The following RSPRY1 variants were observed in gnomAD, a reference collection of about 807,000 sequenced individuals.
RSPRY1 encodes RING finger and SPRY domain-containing protein 1.
RSPRY1 carries 23 observed loss-of-function variants against 73.1 expected under a neutral mutation model. The ratio of observed to expected loss-of-function variants is 0.31; its 90% confidence interval spans 0.23 to 0.45. RSPRY1 has a LOEUF of 0.45. RSPRY1 is among the 20% of genes least tolerant of loss of function. The pLI is 1.00. For missense variants in RSPRY1, 448 were observed against 698.7 expected, an observed-to-expected ratio of 0.64 and a Z score of 4.05; for synonymous variants, 226 against 251.4, an observed-to-expected ratio of 0.90 and a Z score of 0.95.
chr16:57,207,216 A>G (rs1448907161), intron 2 of RSPRY1, among the ~76,000 whole-genome samples: 1 of 152,232 alleles, frequency 6.6e-6, no homozygotes, highest in Admixed American at 6.5e-5. Context: ...AGTCAATTAT[A>G]TTGTTTAAAC....
chr16:57,221,551 G>A (rs1402971445), intron 10 of RSPRY1, 136 bp downstream of exon 10: 3 of 864,488 alleles, frequency 3.5e-6, no homozygotes, highest in Admixed American at 5.7e-5. Flanking sequence ...CATGGTACCA[G>A]GTCCCTAACA....
chr16:57,201,004 G>C (rs1294334559), intron 1 of RSPRY1, among the ~76,000 whole-genome samples: 1 of 148,222 alleles, frequency 6.7e-6, no homozygotes, highest in Non-Finnish European at 1.5e-5. Context: ...CTGGCCGGGC[G>C]GGGGGCTGAC....
At position 57,227,432 on chromosome 16, in the gene RSPRY1, A is replaced by G. The variant is rs58714624; in HGVS notation, c.1252A>G (p.Ile418Val). The change falls in exon 11 of 15, where the codon ATA (isoleucine) becomes GTA (valine). Residue 418 changes from isoleucine (I) to valine (V), a missense_variant. Physicochemically the swap from Ile to Val is conservative, Grantham distance 29. Coordinates refer to ENST00000394420, the MANE Select transcript of RSPRY1 (RefSeq NM_133368.3). ...IWYNARSKPH[I>V]HPCWKEGDTV... ...GTACAATGCCAGAAGTAAGCCTCACATACACCCATGCTGGAAAGAAGGTAT... is the reference window on the plus strand; with the variant it reads ...GTACAATGCCAGAAGTAAGCCTCACGTACACCCATGCTGGAAAGAAGGTAT... The G allele has an allele frequency of 1.3e-3, 2,142 of 1,613,648 alleles. 22 individuals carry two copies. In the African/African-American group the frequency reaches 0.026, roughly 19 times the overall value.
intron 1 of RSPRY1, among the ~76,000 whole-genome samples, chr16:57,190,176 TG>T (rs1487351376): frequency 5.3e-4 from 80 of 152,122 alleles, no homozygotes; most frequent in African/African-American, 1.8e-3. Context: ...AAGACCAGCC[TG>T]GGCAACATGG....
chr16:57,210,841 AC>A (rs375914200), intron 4 of RSPRY1, among the ~76,000 whole-genome samples: 1 of 151,522 alleles, frequency 6.6e-6, no homozygotes, highest in African/African-American at 2.4e-5. Flanking sequence ...ACATGGTGAA[AC>A]CCTGTTTCTA....
rs185786214 is a variant in RSPRY1 at position 57,215,355 on chromosome 16, A to G, written c.703-752A>G. Among the ~76,000 whole-genome samples the G allele has an allele frequency of 3.1e-4, 47 of 152,338 alleles. No homozygotes were observed. The East Asian group carries it at 8.3e-3, about 27-fold the overall frequency. On this transcript the variant is annotated intron_variant, in intron 6 of 14. Coordinates refer to ENST00000394420, the MANE Select transcript of RSPRY1 (RefSeq NM_133368.3). ...TATGAGAAGAAATAGAATGCTGAAT[A>G]GGCTTTCCAGCAGCAGGGATGGTGG...
chr16:57,233,590 G>T (rs1434980869), intron 13 of RSPRY1, among the ~76,000 whole-genome samples: 1 of 152,044 alleles, frequency 6.6e-6, no homozygotes, highest in African/African-American at 2.4e-5. Context: ...GGCTGGTCTC[G>T]AACTCTTGGG....
At chr16:57,190,790 C>T (rs1376909365) in intron 1 of RSPRY1, among the ~76,000 whole-genome samples, 1 of 152,134 alleles carries the variant, frequency 6.6e-6, no homozygotes, top group African/African-American at 2.4e-5. Context: ...GTAGAGAAAA[C>T]ATACAAATGT....
chr16:57,198,159 G>A (rs2074486844), intron 1 of RSPRY1, among the ~76,000 whole-genome samples: 2 of 152,118 alleles, frequency 1.3e-5, no homozygotes, highest in South Asian at 4.1e-4. Flanking sequence ...GCCGAGGCAG[G>A]CGGATCACGA....
chr16:57,237,592 C>T (rs569323608), intron 14 of RSPRY1, among the ~76,000 whole-genome samples: 1 of 152,030 alleles, frequency 6.6e-6, no homozygotes, highest in Non-Finnish European at 1.5e-5. Flanking sequence ...AATGAATGGA[C>T]TAAAACAATA....
Position 57,208,063 on chromosome 16 carries a change from A to G in RSPRY1, c.356A>G (p.Gln119Arg). The G allele has an allele frequency of 6.3e-7, 1 of 1,586,654 alleles. No individual in the cohort carries two copies. The highest frequency in any genetic ancestry group is 1.4e-5 in the African/African-American group (1 of 73,864). The change falls in exon 3 of 15, where the codon CAG becomes CGG. Residue 119 changes from glutamine (Q) to arginine (R), a missense_variant. Transcript: ENST00000394420. ...CCTTGAATTTTTTTTTCCAGTGATC[A>G]GGAACCTCCCTATTCAATGATAACA... ...AVIRTLVDNDQEPPYSMITLH... is the reference protein window; with the variant it reads ...AVIRTLVDNDREPPYSMITLH...
rs1370674427 is a variant in RSPRY1 at position 57,200,952 on chromosome 16, G to T, written c.-155-3552G>T. Among the ~76,000 whole-genome samples the T allele has an allele frequency of 1.9e-4, 23 of 122,464 alleles. No individual in the cohort carries two copies. The East Asian group carries it at 3.0e-3, about 16-fold the overall frequency. The allele number at this position is 122,464 out of a possible 152,430, so 80.3% of individuals were successfully genotyped here. ...TCCCAGACGGGGCGGCTGGCCGGGG[G>T]GGGGGGGGGCTGACCCCCCCACCTC... On this transcript the variant is annotated intron_variant, in intron 1 of 14. Coordinates refer to ENST00000394420, the MANE Select transcript of RSPRY1 (RefSeq NM_133368.3).
In RSPRY1 at chr16:57,204,747, TC is replaced by T; in HGVS notation, c.91del (p.Leu31Ter). On this transcript the variant is annotated frameshift_variant, in exon 2 of 15. Coordinates refer to ENST00000394420, the MANE Select transcript of RSPRY1 (RefSeq NM_133368.3). LOFTEE classifies it high-confidence loss of function. Reference protein sequence around the residue: ...LLTLEEHIAHFLGTGGAATTM... With the variant: ...LLTLEEHIAHXLGTGGAATTM... ...ACTCTCGAAGAGCACATAGCCCACT[TC>T]CTAGGGACTGGAGGTGCCGCTACTA... is the stretch of plus-strand genomic sequence containing the variant. The T allele has an allele frequency of 6.2e-7, 1 of 1,614,178 alleles. No individual in the cohort carries two copies. The highest frequency in any genetic ancestry group is 1.3e-5 in the African/African-American group (1 of 75,058).
At chr16:57,203,021 A>G (rs768928342) in intron 1 of RSPRY1, among the ~76,000 whole-genome samples, 8 of 151,996 alleles carry the variant, frequency 5.3e-5, no homozygotes, top group Non-Finnish European at 1.5e-5. Flanking sequence ...AATAATGGAA[A>G]TAGGCTGGGC....
At chr16:57,237,498 G>A (rs2075317253) in intron 14 of RSPRY1, among the ~76,000 whole-genome samples, 1 of 152,072 alleles carries the variant, frequency 6.6e-6, no homozygotes, top group Admixed American at 6.5e-5. Flanking sequence ...GCAGGAGAGG[G>A]GCAGTTATCA....
chr16:57,201,751 G>C (rs976543711), intron 1 of RSPRY1, among the ~76,000 whole-genome samples: 2 of 152,238 alleles, frequency 1.3e-5, no homozygotes, highest in African/African-American at 4.8e-5. Context: ...GCGGTTAGGA[G>C]CTGGAGACCA....
chr16:57,213,525 C>G (rs1289364637), intron 5 of RSPRY1, among the ~76,000 whole-genome samples: 1 of 152,206 alleles, frequency 6.6e-6, no homozygotes, highest in Non-Finnish European at 1.5e-5. Context: ...TCCTGAGAAG[C>G]AGGTATTTAA....
At chr16:57,197,007 T>C (rs1474899877) in intron 1 of RSPRY1, among the ~76,000 whole-genome samples, 1 of 152,236 alleles carries the variant, frequency 6.6e-6, no homozygotes, top group African/African-American at 2.4e-5. Flanking sequence ...GCTGGGACTT[T>C]CACCTAGTCT....
At chr16:57,196,408 C>T (rs991538388) in intron 1 of RSPRY1, among the ~76,000 whole-genome samples, 14 of 152,170 alleles carry the variant, frequency 9.2e-5, no homozygotes, top group African/African-American at 2.2e-4. Context: ...GTCGGTGTGT[C>T]CTTCCTGCTG....
Sources: gnomAD v4.1 joint callset for allele counts (sites outside exome capture counted in the v4.1 genomes callset) on GRCh38, gnomAD v4.1.1 for gene constraint, MANE v1.5 for transcripts, NCBI Gene and HGNC (gene_info 2026-07-23, HGNC 2026-07-21) for gene names.